Variants in CNTN4 observed in about 807,000 individuals in gnomAD.
CNTN4 encodes the protein contactin 4.
A neutral mutation model predicts 122.5 loss-of-function variants in CNTN4; 77 were observed. The observed-to-expected ratio is 0.63, with a 90% CI of 0.52 to 0.76. The LOEUF (loss-of-function observed/expected upper bound fraction) is 0.76. Ranked by LOEUF, CNTN4 falls within the 30% of genes least tolerant of loss-of-function variation. CNTN4 has a pLI of 0.00. For missense variants in CNTN4, 1,256 were observed against 1,259.1 expected, an observed-to-expected ratio of 1.00 and a Z score of 0.04; for synonymous variants, 512 against 447.0, an observed-to-expected ratio of 1.15 and a Z score of -1.83.
At chr3:2,128,351 GTAGATTCAATATTT>G (rs1405209123) in intron 2 of CNTN4, among the ~76,000 whole-genome samples, 12 of 152,184 alleles carry the variant, frequency 7.9e-5, no homozygotes, top group African/African-American at 2.9e-4. Flanking sequence ...TTATTATGCA[GTAGATTCAATATTT>G]TAAATTTAAC....
intron 4 of CNTN4, among the ~76,000 whole-genome samples, chr3:2,677,158 T>C (rs2084897050): frequency 6.6e-6 from 1 of 150,680 alleles, no homozygotes; most frequent in African/African-American, 2.4e-5. Context: ...GATAGATAGA[T>C]AGATAGATAG....
In CNTN4 at chr3:2,709,211, A is replaced by G. The variant is rs1293400902; in HGVS notation, c.56-27004A>G. On this transcript the variant is annotated intron_variant, in intron 4 of 24. Transcript: ENST00000418658. The surrounding 1 kb of genome is among the most constrained non-coding windows in gnomAD (Gnocchi z 5.0). The stretch of plus-strand genomic sequence containing the variant: ...ACAAAACCAAATTTTATTGGTAAAA[A>G]TAACTATTTCTTTTAGAATAAAGAA... Among the ~76,000 whole-genome samples, 1 of 152,240 alleles carries G rather than the reference A, an allele frequency of 6.6e-6. No homozygotes were observed. The highest frequency in any genetic ancestry group is 1.9e-4 in the East Asian group (1 of 5,204).
intron 3 of CNTN4, chr3:2,362,745 A>G: frequency 3.4e-6 from 1 of 292,648 alleles, no homozygotes; most frequent in Non-Finnish European, 6.7e-6. Context: ...TCCAGCTTTA[A>G]CCTCTGAACT....
chr3:2,604,526 A>G (rs73005796), intron 4 of CNTN4, among the ~76,000 whole-genome samples: 32 of 152,284 alleles, frequency 2.1e-4, no homozygotes, highest in Non-Finnish European at 3.2e-4. Flanking sequence ...AAGTGCTAAG[A>G]GGAAGAATAA....
At chr3:2,813,883 T>C (rs2092670482) in intron 6 of CNTN4, among the ~76,000 whole-genome samples, 1 of 152,202 alleles carries the variant, frequency 6.6e-6, no homozygotes, top group Non-Finnish European at 1.5e-5. Context: ...TTTCCTATAT[T>C]AAGACTTTTT....
chr3:2,912,900 C>A (rs2094316419), intron 12 of CNTN4, among the ~76,000 whole-genome samples: 1 of 152,144 alleles, frequency 6.6e-6, no homozygotes, highest in South Asian at 2.1e-4. Context: ...GCCCGTAATC[C>A]CAGCACTTTG....
chr3:2,871,493 T>A (rs2093783785), intron 8 of CNTN4, among the ~76,000 whole-genome samples: 1 of 152,214 alleles, frequency 6.6e-6, no homozygotes, highest in Admixed American at 6.5e-5. Context: ...TGATTTATTT[T>A]TTTCTTTTTG....
intron 3 of CNTN4, among the ~76,000 whole-genome samples, chr3:2,519,401 A>G (rs937265311): frequency 1.3e-5 from 2 of 152,214 alleles, no homozygotes; most frequent in African/African-American, 4.8e-5. Context: ...CTCTACCAGT[A>G]GGTCCAGAGG....
In CNTN4 at chr3:2,571,472, C is replaced by T; in HGVS notation, c.-32C>T. ...GCAATTCTATTCGCTTGTTATTGGACTTGAAACTCCCTTTGACCTCGGAAA... is the reference window on the plus strand; with the variant it reads ...GCAATTCTATTCGCTTGTTATTGGATTTGAAACTCCCTTTGACCTCGGAAA... On this transcript the variant is annotated 5_prime_UTR_variant, in exon 4 of 25. Coordinates refer to ENST00000418658, the MANE Select transcript of CNTN4 (RefSeq NM_175607.3). The T allele has an allele frequency of 6.4e-7, 1 of 1,564,988 alleles. No homozygotes were observed. Among genetic ancestry groups the T allele is most frequent in the South Asian group, 1.1e-5 (1 of 90,064 alleles).
At chr3:2,658,555 G>A (rs1386050591) in intron 4 of CNTN4, among the ~76,000 whole-genome samples, 1 of 152,194 alleles carries the variant, frequency 6.6e-6, no homozygotes, top group Non-Finnish European at 1.5e-5. Context: ...CATCTATGTT[G>A]TGTTGTTACC....
In CNTN4 at chr3:2,576,258, G is replaced by T. The variant is rs1047102333; in HGVS notation, c.55+4700G>T. Among the ~76,000 whole-genome samples, 12 of 152,144 alleles carry T rather than the reference G, an allele frequency of 7.9e-5. No homozygotes were observed. The South Asian group carries it at 1.0e-3, about 13-fold the overall frequency. Reference sequence around the variant, plus strand: ...ATCCAGAAAATGTCTGGCACATAGTGCAATTCAATAAATATTTTTCAAATG... The same window carrying T: ...ATCCAGAAAATGTCTGGCACATAGTTCAATTCAATAAATATTTTTCAAATG... On this transcript the variant is annotated intron_variant, in intron 4 of 24. Transcript: ENST00000418658.
chr3:2,535,689 A>T, intron 3 of CNTN4, among the ~76,000 whole-genome samples: 1 of 152,116 alleles, frequency 6.6e-6, no homozygotes, highest in East Asian at 1.9e-4. Context: ...GTTAAACCTT[A>T]AAAAGCATCT....
At chr3:2,406,914 A>G (rs1241794519) in intron 3 of CNTN4, among the ~76,000 whole-genome samples, 3 of 152,210 alleles carry the variant, frequency 2.0e-5, no homozygotes, top group Non-Finnish European at 4.4e-5. Context: ...AATCTTAAAT[A>G]TGATATAGCA....
chr3:2,473,970 C>T (rs11720138), intron 3 of CNTN4, among the ~76,000 whole-genome samples: 27,833 of 151,394 alleles, frequency 0.18, 3,241 homozygotes, highest in Middle Eastern at 0.28. Flanking sequence ...GCCAAGATCA[C>T]GCCACTGCAC....
intron 3 of CNTN4, among the ~76,000 whole-genome samples, chr3:2,471,728 C>T (rs983470553): frequency 3.9e-5 from 6 of 152,154 alleles, no homozygotes; most frequent in Admixed American, 6.5e-5. Flanking sequence ...ATTAAAAAAG[C>T]TCTCCTCTAA....
intron 6 of CNTN4, among the ~76,000 whole-genome samples, chr3:2,810,342 A>T (rs2092575022): frequency 6.6e-6 from 1 of 152,226 alleles, no homozygotes; most frequent in Non-Finnish European, 1.5e-5. Context: ...TAAAGTGGTT[A>T]AATTGCCAAA....
intron 6 of CNTN4, among the ~76,000 whole-genome samples, chr3:2,795,601 A>G (rs2092148477): frequency 6.6e-6 from 1 of 150,682 alleles, no homozygotes; most frequent in South Asian, 2.1e-4. Context: ...GCTCAGTGCA[A>G]GCTCTGCCTC....
intron 6 of CNTN4, among the ~76,000 whole-genome samples, chr3:2,806,834 G>C (rs2675313): frequency 0.16 from 24,030 of 152,006 alleles, 2,506 homozygotes; most frequent in Middle Eastern, 0.23. Context: ...GTTGGCAAAG[G>C]GGGGAGTGAT....
At chr3:2,958,399 A>G (rs116349231) in intron 13 of CNTN4, among the ~76,000 whole-genome samples, 2,194 of 152,278 alleles carry the variant, frequency 0.014, 53 homozygotes, top group African/African-American at 0.05. Flanking sequence ...TAGATATTGG[A>G]CCATGGAAAT....
Sources: allele counts gnomAD v4.1 joint callset (sites outside exome capture counted in the v4.1 genomes callset), GRCh38; gene constraint gnomAD v4.1.1; non-coding constraint Gnocchi (gnomAD v3.1); transcripts MANE v1.5; gene names NCBI Gene and HGNC (gene_info 2026-07-23, HGNC 2026-07-21).